The following ASAP1 variants were observed in gnomAD, a reference collection of about 807,000 sequenced individuals.
The protein encoded by ASAP1 is ArfGAP with SH3 domain, ankyrin repeat and PH domain 1, also known as arf-GAP with SH3 domain, ANK repeat and PH domain-containing protein 1.
ASAP1 carries 43 observed loss-of-function variants against 145.2 expected under a neutral mutation model. The observed-to-expected ratio is 0.30, with a 90% CI of 0.23 to 0.38. ASAP1 has a LOEUF of 0.38. Ranked by LOEUF, ASAP1 falls within the 10% of genes least tolerant of loss-of-function variation. ASAP1 has a pLI of 1.00. For synonymous variants in ASAP1, 546 were observed against 515.5 expected (o/e 1.06, Z -0.80); for missense variants, 1,018 against 1,355.3 (o/e 0.75, Z 3.91).
chr8:130,397,821 A>G (rs1263153490), intron 2 of ASAP1, among the ~76,000 whole-genome samples: 1 of 152,196 alleles, frequency 6.6e-6, no homozygotes, highest in Admixed American at 6.5e-5. Flanking sequence ...AGGGCATCCC[A>G]TACTGAACCT....
chr8:130,115,935 C>A (rs2097555122), intron 22 of ASAP1, among the ~76,000 whole-genome samples, 200 bp from the exon 23 acceptor site: 1 of 152,174 alleles, frequency 6.6e-6, no homozygotes, highest in African/African-American at 2.4e-5. Context: ...GCAGGCAGAG[C>A]CTTCTTTATT....
At chr8:130,284,163 G>A (rs554652905) in intron 3 of ASAP1, among the ~76,000 whole-genome samples, 5 of 152,208 alleles carry the variant, frequency 3.3e-5, no homozygotes, top group Non-Finnish European at 7.4e-5. Flanking sequence ...TGTGTAGGGC[G>A]TCTTGAAAAT....
intron 2 of ASAP1, among the ~76,000 whole-genome samples, chr8:130,381,295 T>C (rs1262406105): frequency 1.3e-5 from 2 of 152,240 alleles, no homozygotes; most frequent in African/African-American, 4.8e-5. Flanking sequence ...CCCAAAGGGC[T>C]GGGATTACAG....
At chr8:130,440,625 G>A (rs1244076283) in intron 1 of ASAP1, among the ~76,000 whole-genome samples, 2 of 151,932 alleles carry the variant, frequency 1.3e-5, no homozygotes. Context: ...GTGTGATCTC[G>A]TCCCTGCTTC....
intron 3 of ASAP1, among the ~76,000 whole-genome samples, chr8:130,258,789 T>C (rs190897763): frequency 1.3e-4 from 20 of 152,328 alleles, no homozygotes; most frequent in African/African-American, 4.6e-4. Flanking sequence ...CCAAATGGAA[T>C]GGTTTTGGGT....
intron 27 of ASAP1, among the ~76,000 whole-genome samples, chr8:130,072,457 T>C (rs1386235651): frequency 6.6e-6 from 1 of 152,184 alleles, no homozygotes; most frequent in East Asian, 1.9e-4. Flanking sequence ...ATGTAAGACG[T>C]GCCTTTCGCC....
At chr8:130,071,877 A>G (rs1333958239) in intron 27 of ASAP1, among the ~76,000 whole-genome samples, 1 of 152,224 alleles carries the variant, frequency 6.6e-6, no homozygotes, top group Admixed American at 6.5e-5. Flanking sequence ...CCACAGTAGA[A>G]AACCAGGGAG....
chr8:130,409,269 A>C (rs967753003), intron 1 of ASAP1, among the ~76,000 whole-genome samples: 10 of 152,124 alleles, frequency 6.6e-5, no homozygotes, highest in Admixed American at 5.2e-4. Context: ...CTCAAAAAAA[A>C]AAACAAAAAA....
At chr8:130,275,522 C>G (rs1405297895) in intron 3 of ASAP1, among the ~76,000 whole-genome samples, 1 of 152,118 alleles carries the variant, frequency 6.6e-6, no homozygotes, top group East Asian at 1.9e-4. Context: ...AAAACACCTT[C>G]TAAACAGAGG....
At position 130,112,111 on chromosome 8, in the gene ASAP1, G is replaced by A. The variant is rs138407410; in HGVS notation, c.2384C>T (p.Pro795Leu). The change falls in exon 24 of 30, where the codon CCT (proline) becomes CTT (leucine). Residue 795 changes from proline to leucine, a missense_variant. This residue lies in a region of ASAP1 where 353 missense variants were observed against 375.4 expected (regional missense o/e 0.94). Coordinates refer to ENST00000518721, the MANE Select transcript of ASAP1 (RefSeq NM_018482.4). ...GCCCATACCTTTCCCGGCGTTCCTA[G>A]GAGGCAGAGGGGGAGCCTCCGTGGT... ...SPTTEAPPLP[P>L]RNAGKGPTGP... 1.2e-6 allele frequency: 2 copies of A among 1,613,920 alleles called. No homozygotes were observed. The highest frequency in any genetic ancestry group is 1.7e-6 in the Non-Finnish European group (2 of 1,179,910).
intron 27 of ASAP1, among the ~76,000 whole-genome samples, chr8:130,072,830 C>CGCG (rs1448184178): frequency 2.5e-4 from 8 of 31,928 alleles, no homozygotes; most frequent in African/African-American, 8.1e-4. Flanking sequence ...TGTGTGCGCG[C>CGCG]GGGGGGGGGC....
intron 15 of ASAP1, among the ~76,000 whole-genome samples, chr8:130,129,304 T>C (rs1315044559): frequency 6.6e-6 from 1 of 152,210 alleles, no homozygotes; most frequent in African/African-American, 2.4e-5. Context: ...TAATCCCAAA[T>C]TTAAATATAT....
chr8:130,370,365 T>C (rs535506363), intron 2 of ASAP1, among the ~76,000 whole-genome samples: 1 of 152,134 alleles, frequency 6.6e-6, no homozygotes, highest in African/African-American at 2.4e-5. Flanking sequence ...TTCAGCCATA[T>C]AAGGACACAA....
chr8:130,430,006 C>T (rs1344774058), intron 1 of ASAP1, among the ~76,000 whole-genome samples: 1 of 152,134 alleles, frequency 6.6e-6, no homozygotes, highest in Admixed American at 6.6e-5. Context: ...TACAAGGTGG[C>T]CAATGGAAAG....
In ASAP1 at chr8:130,162,776, C is replaced by T. The variant is rs570747839; in HGVS notation, c.910-2812G>A. Among the ~76,000 whole-genome samples, 7 of 151,512 alleles carry T rather than the reference C, an allele frequency of 4.6e-5. No homozygotes were observed. In the South Asian group the frequency reaches 1.5e-3, roughly 32 times the overall value. On this transcript the variant is annotated intron_variant, in intron 11 of 29. Transcript: ENST00000518721. Reference sequence around the variant, plus strand: ...GGGCTTGCAGTGAACCGAGATTGCGCCACTGCACTCCAGCCTGGGCGACAG... The same window carrying T: ...GGGCTTGCAGTGAACCGAGATTGCGTCACTGCACTCCAGCCTGGGCGACAG...
chr8:130,320,527 C>A lies in ASAP1; in HGVS notation c.186+37490G>T, dbSNP rs1159873349. Among the ~76,000 whole-genome samples, 4 of 151,812 alleles carry A rather than the reference C, an allele frequency of 2.6e-5. No individual in the cohort carries two copies. The East Asian group carries it at 7.7e-4, about 29-fold the overall frequency. On this transcript the variant is annotated intron_variant, in intron 3 of 29. Coordinates refer to ENST00000518721, the MANE Select transcript of ASAP1 (RefSeq NM_018482.4). The stretch of plus-strand genomic sequence containing the variant: ...CACCACTACACTCCAGCCTAGGTGA[C>A]AGAGTCAGATCTTGTCTAAAAAAAA...
At chr8:130,099,680 CTTTTTTTT>C (rs57950334) in intron 24 of ASAP1, among the ~76,000 whole-genome samples, 23 of 100,228 alleles carry the variant, frequency 2.3e-4, no homozygotes, top group Non-Finnish European at 4.8e-4. Flanking sequence ...GGATTTCATT[CTTTTTTTT>C]TTTTTTTTTT....
chr8:130,052,490 T>C lies in ASAP1; in HGVS notation c.*2241A>G, dbSNP rs1438948691. ...ATTGCAGATAGTGGCTTACTGAGTTTAAGATCAAGATCAGACTTAAACTCA... is the reference window on the plus strand; with the variant it reads ...ATTGCAGATAGTGGCTTACTGAGTTCAAGATCAAGATCAGACTTAAACTCA... On this transcript the variant is annotated 3_prime_UTR_variant, in exon 30 of 30. Coordinates refer to ENST00000518721, the MANE Select transcript of ASAP1 (RefSeq NM_018482.4). The C allele has an allele frequency of 6.6e-6, 1 of 152,570 alleles. No homozygotes were observed. The highest frequency in any genetic ancestry group is 1.5e-5 in the Non-Finnish European group (1 of 68,036). 9.5% of individuals were successfully genotyped at this position (152,570 alleles called of 1,614,324 possible). A position where few individuals can be genotyped will look rare whatever the true frequency, so the allele number is the denominator to read the frequency against.
rs777419657 is a variant in ASAP1 at position 130,401,960 on chromosome 8, C to T, written c.-17G>A. 3 of 1,612,078 alleles carry T rather than the reference C, an allele frequency of 1.9e-6. No homozygotes were observed. The highest frequency in any genetic ancestry group is 1.7e-5 in the Admixed American group (1 of 59,924). ...AGATCTCATGTCTCAGCCGTCACAT[C>T]AGAAAACGACCTGGATAGGGGGCAG... On this transcript the variant is annotated 5_prime_UTR_variant, in exon 2 of 30. Coordinates refer to ENST00000518721, the MANE Select transcript of ASAP1 (RefSeq NM_018482.4).
Sources: gnomAD v4.1 joint callset for allele counts (sites outside exome capture counted in the v4.1 genomes callset) on GRCh38, gnomAD v4.1.1 for gene constraint, gnomAD v4.1.1 regional missense constraint, MANE v1.5 for transcripts, NCBI Gene and HGNC (gene_info 2026-07-23, HGNC 2026-07-21) for gene names.